Variants in CTTNBP2 observed in about 807,000 individuals in gnomAD.
CTTNBP2 encodes the protein cortactin binding protein 2.
In CTTNBP2, 108 loss-of-function variants were observed where a neutral mutation model predicts 156.9. That is an observed-to-expected ratio of 0.69 (90% confidence interval 0.59 to 0.81). The LOEUF (loss-of-function observed/expected upper bound fraction) is 0.81. Ranked by LOEUF, CTTNBP2 falls within the 30% of genes least tolerant of loss-of-function variation. The probability of loss-of-function intolerance (pLI) is 0.00; values close to 1 mark genes in which losing one functional copy is unlikely to be tolerated. For synonymous variants in CTTNBP2, 767 were observed against 751.8 expected, an observed-to-expected ratio of 1.02 and a Z score of -0.33; for missense variants, 1,924 against 2,035.4, an observed-to-expected ratio of 0.95 and a Z score of 1.05.
At chr7:117,755,198 C>A (rs930334744) in intron 12 of CTTNBP2, among the ~76,000 whole-genome samples, 7 of 152,190 alleles carry the variant, frequency 4.6e-5, no homozygotes, top group African/African-American at 1.7e-4. Context: ...TCAGGAGAAT[C>A]CACCTTTTCT....
chr7:117,805,332 T>C (rs890409749), intron 3 of CTTNBP2, among the ~76,000 whole-genome samples: 1 of 152,104 alleles, frequency 6.6e-6, no homozygotes, highest in Non-Finnish European at 1.5e-5. Flanking sequence ...ACAGTACATA[T>C]AGGAAGCCTG....
intron 3 of CTTNBP2, among the ~76,000 whole-genome samples, chr7:117,802,403 A>G (rs1799670245): frequency 6.7e-6 from 1 of 150,158 alleles, no homozygotes; most frequent in Non-Finnish European, 1.5e-5. Context: ...CTAGAAGAAA[A>G]TCTAGGAAAT....
At chr7:117,744,306 ACC>A (rs1241585321) in intron 14 of CTTNBP2, among the ~76,000 whole-genome samples, 1 of 150,512 alleles carries the variant, frequency 6.6e-6, no homozygotes, top group East Asian at 2.0e-4. Context: ...CCCATTAACC[ACC>A]CCCACCTACT....
intron 2 of CTTNBP2, among the ~76,000 whole-genome samples, chr7:117,855,568 C>A (rs1490706650): frequency 2.0e-5 from 3 of 152,142 alleles, no homozygotes; most frequent in Non-Finnish European, 4.4e-5. Context: ...TGGGTAGAGA[C>A]CAAGGATGCT....
chr7:117,725,107 A>G lies in CTTNBP2; in HGVS notation c.4206T>C (p.Ala1402=), dbSNP rs200307966. ...CAGCTTTATTTAGCAAGATGCTGAG[A>G]GCAGCTTTGACCACAGCCTGCTGTC... ...SQGQQAVVKA[A]LSILLNKAVL... is the part of the protein sequence containing the mutation. The change falls in exon 18 of 23, where the codon GCT becomes GCC. Residue 1402 remains alanine, a synonymous_variant. Transcript: ENST00000160373. 1.2e-5 allele frequency: 19 copies of G among 1,613,112 alleles called. No individual in the cohort carries two copies. The highest frequency in any genetic ancestry group is 1.4e-5 in the Non-Finnish European group (17 of 1,180,028).
chr7:117,725,633 A>C (rs1795046506), intron 17 of CTTNBP2, among the ~76,000 whole-genome samples: 1 of 152,230 alleles, frequency 6.6e-6, no homozygotes, highest in Non-Finnish European at 1.5e-5. Context: ...CTTCTTTGTT[A>C]CATCTCCTTA....
At chr7:117,809,106 A>G (rs924088693) in intron 3 of CTTNBP2, among the ~76,000 whole-genome samples, 2 of 152,120 alleles carry the variant, frequency 1.3e-5, no homozygotes, top group African/African-American at 4.8e-5. Context: ...CAGGACCCAT[A>G]GGACAGAAAC....
intron 2 of CTTNBP2, among the ~76,000 whole-genome samples, chr7:117,836,590 T>C (rs935716128): frequency 2.6e-5 from 4 of 151,638 alleles, no homozygotes; most frequent in African/African-American, 9.7e-5. Context: ...CTGAAGAGAG[T>C]GGTCTTTAAG....
At chr7:117,747,620 A>G (rs1413943132) in intron 12 of CTTNBP2, among the ~76,000 whole-genome samples, 2 of 152,130 alleles carry the variant, frequency 1.3e-5, no homozygotes, top group African/African-American at 4.8e-5. Flanking sequence ...TAAAAATACA[A>G]AAATTAGCCA....
rs1398017591 is a variant in CTTNBP2, at chr7:117,801,572, C to T, written c.415-8791G>A. ...ATGAATATGTGGATTAGAAAAAATG[C>T]TGTTTCAATTATAAATTTCCTCATT... On this transcript the variant is annotated intron_variant, in intron 3 of 22. Coordinates refer to ENST00000160373, the MANE Select transcript of CTTNBP2 (RefSeq NM_033427.3). Among the ~76,000 whole-genome samples, 5 of 152,164 alleles carry T rather than the reference C, an allele frequency of 3.3e-5. No individual in the cohort carries two copies. The East Asian group carries it at 5.8e-4, about 18-fold the overall frequency.
intron 2 of CTTNBP2, among the ~76,000 whole-genome samples, chr7:117,816,085 G>C (rs1044141624): frequency 6.6e-6 from 1 of 152,148 alleles, no homozygotes; most frequent in African/African-American, 2.4e-5. Flanking sequence ...CCTTCCCAGG[G>C]GGGCAATCTT....
chr7:117,795,243 T>C (rs939521581), intron 3 of CTTNBP2, among the ~76,000 whole-genome samples: 2 of 152,132 alleles, frequency 1.3e-5, no homozygotes, highest in African/African-American at 2.4e-5. Context: ...TTGCACAAAT[T>C]TGACATATTA....
chr7:117,782,134 G>A (rs753661780), intron 6 of CTTNBP2, among the ~76,000 whole-genome samples: 1 of 152,038 alleles, frequency 6.6e-6, no homozygotes, highest in African/African-American at 2.4e-5. Flanking sequence ...CATTCCTATC[G>A]GGACAGTTAG....
At chr7:117,779,517 C>T (rs1798284024) in intron 7 of CTTNBP2, among the ~76,000 whole-genome samples, 1 of 151,308 alleles carries the variant, frequency 6.6e-6, no homozygotes, top group Non-Finnish European at 1.5e-5. Context: ...ATTTTTCATT[C>T]AGCCCTGTGA....
At chr7:117,812,784 C>T (rs1340571496) in intron 2 of CTTNBP2, among the ~76,000 whole-genome samples, 1 of 152,188 alleles carries the variant, frequency 6.6e-6, no homozygotes, top group Non-Finnish European at 1.5e-5. Flanking sequence ...TCTTCTCCCA[C>T]CCTTGGATTA....
Position 117,776,227 on chromosome 7 carries a change from C to A in CTTNBP2, c.2778+1284G>T, listed in dbSNP as rs34338908. Reference sequence around the variant, plus strand: ...TTCCCTCATCTAATCCATGTTCATTCTGGGGCATTCCTAATATTTCTCATT... The same window carrying A: ...TTCCCTCATCTAATCCATGTTCATTATGGGGCATTCCTAATATTTCTCATT... On this transcript the variant is annotated intron_variant, in intron 8 of 22. Transcript: ENST00000160373. 3.1e-3 allele frequency among the ~76,000 whole-genome samples: 468 copies of A among 152,296 alleles called. 3 individuals carry two copies. Among genetic ancestry groups the A allele is most frequent in the African/African-American group, 0.011 (447 of 41,568 alleles).
intron 2 of CTTNBP2, among the ~76,000 whole-genome samples, chr7:117,840,722 G>A (rs941997412): frequency 2.0e-5 from 3 of 152,150 alleles, no homozygotes; most frequent in Non-Finnish European, 4.4e-5. Flanking sequence ...ATTATTTCCA[G>A]TATCACTGGG....
chr7:117,748,622 T>C (rs1796464531), intron 12 of CTTNBP2, among the ~76,000 whole-genome samples: 1 of 152,218 alleles, frequency 6.6e-6, no homozygotes, highest in Non-Finnish European at 1.5e-5. Context: ...TTTTCAATTG[T>C]TCTTATAGTT....
At chr7:117,860,493 C>T (rs1803651554) in intron 2 of CTTNBP2, among the ~76,000 whole-genome samples, 1 of 152,046 alleles carries the variant, frequency 6.6e-6, no homozygotes. Flanking sequence ...CACGCGCCCG[C>T]CACCATGCCC....
Sources: gnomAD v4.1 joint callset for allele counts (sites outside exome capture counted in the v4.1 genomes callset) on GRCh38, gnomAD v4.1.1 for gene constraint, MANE v1.5 for transcripts, NCBI Gene and HGNC (gene_info 2026-07-23, HGNC 2026-07-21) for gene names.